ARHGAP5: variants seen among roughly 807,000 people sequenced by gnomAD.
ARHGAP5 encodes rho GTPase-activating protein 5.
ARHGAP5 carries 23 observed loss-of-function variants against 116.6 expected under a neutral mutation model. The observed-to-expected ratio is 0.20, with a 90% CI of 0.14 to 0.28. ARHGAP5 has a LOEUF of 0.28. Among genes scored for constraint, ARHGAP5 ranks in the 10% least tolerant of loss-of-function variants. The pLI is 1.00. For missense variants in ARHGAP5, 1,405 were observed against 1,774.8 expected, an observed-to-expected ratio of 0.79 and a Z score of 3.74; for synonymous variants, 574 against 602.0, an observed-to-expected ratio of 0.95 and a Z score of 0.68.
At chr14:32,109,662 T>A (rs1566668758) in intron 2 of ARHGAP5, among the ~76,000 whole-genome samples, 1 of 152,176 alleles carries the variant, frequency 6.6e-6, no homozygotes, top group Non-Finnish European at 1.5e-5. Flanking sequence ...AAGTTTTTTT[T>A]AGTTGATTTT....
At chr14:32,148,202 C>A (rs926837409) in intron 4 of ARHGAP5, among the ~76,000 whole-genome samples, 3 of 150,698 alleles carry the variant, frequency 2.0e-5, no homozygotes, top group Admixed American at 1.3e-4. Context: ...ATCTATCTAT[C>A]TATCTATCTA....
Position 32,155,995 on chromosome 14 carries a change from A to G in ARHGAP5, c.*1047A>G, listed in dbSNP as rs1450205428. 2 of 152,572 alleles carry G rather than the reference A, an allele frequency of 1.3e-5. No individual in the cohort carries two copies. The highest frequency in any genetic ancestry group is 4.8e-5 in the African/African-American group (2 of 41,462). The allele number at this position is 152,572 out of a possible 1,614,324, so 9.5% of individuals were successfully genotyped here. A position where few individuals can be genotyped will look rare whatever the true frequency, so the allele number is the denominator to read the frequency against. ...AAAAACCCATTGCTAATATAGCAAT[A>G]AAAATACTTTGGGTACTGACAGACT... On this transcript the variant is annotated 3_prime_UTR_variant, in exon 7 of 7. Transcript: ENST00000345122.
Position 32,145,147 on chromosome 14 carries a change from T to C in ARHGAP5, c.3866-1116T>C, listed in dbSNP as rs986388430. On this transcript the variant is annotated intron_variant, in intron 3 of 6. Coordinates refer to ENST00000345122, the MANE Select transcript of ARHGAP5 (RefSeq NM_001030055.2). ...GTGGGAGTGGAAGTTCAGACTCCTGTTGGCTTCCATTGGCTTTCACTGATA... is the reference window on the plus strand; with the variant it reads ...GTGGGAGTGGAAGTTCAGACTCCTGCTGGCTTCCATTGGCTTTCACTGATA... 7.2e-5 allele frequency among the ~76,000 whole-genome samples: 11 copies of C among 152,346 alleles called. No individual in the cohort carries two copies. The East Asian group carries it at 2.1e-3, about 29-fold the overall frequency.
intron 2 of ARHGAP5, among the ~76,000 whole-genome samples, chr14:32,101,612 G>T (rs1878794589): frequency 6.7e-6 from 1 of 150,368 alleles, no homozygotes; most frequent in Non-Finnish European, 1.5e-5. Context: ...TCACATCTGA[G>T]AGAACCTGAT....
At chr14:32,089,809 G>C (rs2041866514) in intron 1 of ARHGAP5, among the ~76,000 whole-genome samples, 1 of 151,652 alleles carries the variant, frequency 6.6e-6, no homozygotes. Context: ...TTTTGCAGTT[G>C]GTCTTATAGG....
chr14:32,128,067 C>T (rs1880275509), intron 3 of ARHGAP5, among the ~76,000 whole-genome samples: 1 of 150,974 alleles, frequency 6.6e-6, no homozygotes, highest in African/African-American at 2.4e-5. Flanking sequence ...GGCAGAGGCG[C>T]TCCTCACATC....
intron 3 of ARHGAP5, among the ~76,000 whole-genome samples, chr14:32,139,211 A>G (rs111864382): frequency 0.04 from 6,067 of 152,178 alleles, 398 homozygotes; most frequent in African/African-American, 0.14. Context: ...TAATCTGGCT[A>G]TGGGGCATTA....
chr14:32,105,329 A>G (rs1021997789), intron 2 of ARHGAP5, among the ~76,000 whole-genome samples: 11 of 152,254 alleles, frequency 7.2e-5, no homozygotes, highest in Admixed American at 5.2e-4. Flanking sequence ...ACTGTTTATC[A>G]TTCATTATTC....
chr14:32,111,974 A>G (rs1380332008), intron 2 of ARHGAP5, among the ~76,000 whole-genome samples: 1 of 150,128 alleles, frequency 6.7e-6, no homozygotes, highest in Non-Finnish European at 1.5e-5. Flanking sequence ...TCACGCCACC[A>G]TGCCCAGCTG....
chr14:32,111,546 G>A (rs1398019841), intron 2 of ARHGAP5, among the ~76,000 whole-genome samples: 2 of 152,166 alleles, frequency 1.3e-5, no homozygotes, highest in African/African-American at 4.8e-5. Context: ...TGAATGGAAG[G>A]AGAGGAATTG....
Position 32,077,404 on chromosome 14 carries a change from G to A in ARHGAP5, c.-200G>A, listed in dbSNP as rs2041715681. Reference sequence around the variant, plus strand: ...CGCCACCGCCGGGGCCGCTGCCGTTGAGGAGGAGACGGAGGAGACCGACGT... The same window carrying A: ...CGCCACCGCCGGGGCCGCTGCCGTTAAGGAGGAGACGGAGGAGACCGACGT... On this transcript the variant is annotated 5_prime_UTR_variant, in exon 1 of 7. Coordinates refer to ENST00000345122, the MANE Select transcript of ARHGAP5 (RefSeq NM_001030055.2). 3 of 705,414 alleles carry A rather than the reference G, an allele frequency of 4.3e-6. No homozygotes were observed. 43.7% of individuals were successfully genotyped at this position (705,414 alleles called of 1,614,324 possible). A position where few individuals can be genotyped will look rare whatever the true frequency, so the allele number is the denominator to read the frequency against.
intron 3 of ARHGAP5, among the ~76,000 whole-genome samples, chr14:32,126,141 G>T (rs1880142243): frequency 6.6e-6 from 1 of 152,190 alleles, no homozygotes; most frequent in South Asian, 2.1e-4. Flanking sequence ...TAGCAGTTGT[G>T]AAAAGAGCAC....
intron 3 of ARHGAP5, among the ~76,000 whole-genome samples, chr14:32,139,130 GTAT>G (rs1195554980): frequency 6.6e-6 from 1 of 152,046 alleles, no homozygotes; most frequent in African/African-American, 2.4e-5. Flanking sequence ...TGGTTTGGTA[GTAT>G]TTTGTTGAAG....
chr14:32,144,816 C>A (rs1227917714), intron 3 of ARHGAP5, among the ~76,000 whole-genome samples: 1 of 152,166 alleles, frequency 6.6e-6, no homozygotes, highest in Non-Finnish European at 1.5e-5. Flanking sequence ...CTTATATATT[C>A]TGTTTCTTTG....
intron 6 of ARHGAP5, 152 bp from the exon 7 acceptor site, chr14:32,154,469 C>T (rs996927703): frequency 1.4e-5 from 10 of 706,866 alleles, no homozygotes; most frequent in African/African-American, 1.1e-4. Flanking sequence ...TTTTTACATA[C>T]GAATTAAAGA....
At chr14:32,119,346 C>G (rs1390065758) in intron 3 of ARHGAP5, among the ~76,000 whole-genome samples, 2 of 151,916 alleles carry the variant, frequency 1.3e-5, no homozygotes, top group Non-Finnish European at 2.9e-5. Flanking sequence ...GTTTATAGAT[C>G]CTTAGATGTA....
rs374154091 is a variant in ARHGAP5, at chr14:32,146,273, C to T, written c.3876C>T (p.Thr1292=). Residue 1292 remains threonine (T), a synonymous_variant, in exon 4 of 7, where the codon ACC becomes ACT. Transcript: ENST00000345122. ...VEFIEDTGLC[T]EGLYRVSGNK... Reference sequence around the variant, plus strand: ...TCTTTATTCTCTTAGGGTTATGTACCGAAGGACTCTACCGTGTCAGCGGGA... The same window carrying T: ...TCTTTATTCTCTTAGGGTTATGTACTGAAGGACTCTACCGTGTCAGCGGGA... 1.6e-5 allele frequency: 26 copies of T among 1,610,712 alleles called. No individual in the cohort carries two copies. Among genetic ancestry groups the T allele is most frequent in the South Asian group, 4.4e-5 (4 of 90,966 alleles).
At position 32,083,724 on chromosome 14, in the gene ARHGAP5, G is replaced by A. The variant is rs185652858; in HGVS notation, c.-169+6289G>A. 4.5e-4 allele frequency among the ~76,000 whole-genome samples: 69 copies of A among 152,054 alleles called. 1 individual carries two copies. Among genetic ancestry groups the A allele is most frequent in the African/African-American group, 1.5e-3 (61 of 41,472 alleles). On this transcript the variant is annotated intron_variant, in intron 1 of 6. Coordinates refer to ENST00000345122, the MANE Select transcript of ARHGAP5 (RefSeq NM_001030055.2). Reference sequence around the variant, plus strand: ...CTCTCATTTTAAAAATTGTTAAGCCGTATCTAAAGTTGTTTGTATGATGAA... The same window carrying A: ...CTCTCATTTTAAAAATTGTTAAGCCATATCTAAAGTTGTTTGTATGATGAA...
chr14:32,098,778 G>A (rs1878652379), intron 2 of ARHGAP5, among the ~76,000 whole-genome samples: 1 of 152,232 alleles, frequency 6.6e-6, no homozygotes, highest in African/African-American at 2.4e-5. Context: ...ATAATTTGCT[G>A]ACTCTCTAGG....
Sources: allele counts gnomAD v4.1 joint callset (sites outside exome capture counted in the v4.1 genomes callset), GRCh38; gene constraint gnomAD v4.1.1; transcripts MANE v1.5; gene names NCBI Gene and HGNC (gene_info 2026-07-23, HGNC 2026-07-21).